ADGRV1: variants seen among roughly 807,000 people sequenced by gnomAD.
The protein encoded by ADGRV1 is adhesion G protein-coupled receptor V1, also known as G-protein coupled receptor 98.
ADGRV1 carries 359 observed loss-of-function variants against 596.2 expected under a neutral mutation model. The ratio of observed to expected loss-of-function variants is 0.60; its 90% CI spans 0.55 to 0.66. The LOEUF (loss-of-function observed/expected upper bound fraction) is 0.66, where lower values mean the gene tolerates loss of function less well. Among genes scored for constraint, ADGRV1 ranks in the 30% least tolerant of loss-of-function variants. The pLI is 0.00. For synonymous variants in ADGRV1, 2,681 were observed against 2,679.2 expected (o/e 1.00, Z -0.02); for missense variants, 7,274 against 7,575.6 (o/e 0.96, Z 1.48).
intron 85 of ADGRV1, among the ~76,000 whole-genome samples, chr5:91,069,510 G>C (rs1386442322): frequency 6.6e-6 from 1 of 152,112 alleles, no homozygotes; most frequent in African/African-American, 2.4e-5. Context: ...ATGATAAAAT[G>C]CTCTACATCA....
chr5:90,969,526 C>T (rs1366403404), intron 84 of ADGRV1, among the ~76,000 whole-genome samples: 1 of 152,188 alleles, frequency 6.6e-6, no homozygotes, highest in Non-Finnish European at 1.5e-5. Flanking sequence ...GCAGCCTTGC[C>T]TCTGTTTCTT....
intron 9 of ADGRV1, chr5:90,630,332 T>C (rs1183289479): frequency 2.6e-5 from 4 of 152,312 alleles, no homozygotes; most frequent in South Asian, 4.1e-4. Flanking sequence ...TTAAATAATA[T>C]ACTCAAAAAT....
chr5:90,729,482 G>A (rs955872898), intron 49 of ADGRV1, among the ~76,000 whole-genome samples, 160 bp from the exon 50 acceptor site: 4 of 152,134 alleles, frequency 2.6e-5, no homozygotes, highest in Non-Finnish European at 2.9e-5. Context: ...AATGCAAAAA[G>A]ACTTTTGAAG....
Position 90,987,469 on chromosome 5 carries a change from C to CAAA in ADGRV1, c.18152+1966_18152+1968dup, listed in dbSNP as rs11442398. On this transcript the variant is annotated intron_variant, in intron 85 of 89. Coordinates refer to ENST00000405460, the MANE Select transcript of ADGRV1 (RefSeq NM_032119.4). ...TGGGTTACAGAACAAGACTCTGACT[C>CAAA]AAAAAAAAAAAAAAAAAAAAATTAT... Among the ~76,000 whole-genome samples, 67 of 94,936 alleles carry CAAA rather than the reference C, an allele frequency of 7.1e-4. 1 individual carries two copies. Among genetic ancestry groups the CAAA allele is most frequent in the African/African-American group, 1.9e-3 (52 of 26,952 alleles). The allele number at this position is 94,936 out of a possible 152,430, so 62.3% of individuals were successfully genotyped here.
chr5:90,682,701 G>A (rs984815703), intron 27 of ADGRV1, among the ~76,000 whole-genome samples: 25 of 152,122 alleles, frequency 1.6e-4, no homozygotes, highest in African/African-American at 5.3e-4. Flanking sequence ...TAAAAAAAGC[G>A]TTAAGGGAAA....
chr5:91,158,818 G>T (rs1796687707), intron 89 of ADGRV1, among the ~76,000 whole-genome samples: 1 of 151,842 alleles, frequency 6.6e-6, no homozygotes, highest in Non-Finnish European at 1.5e-5. Flanking sequence ...TATCTCAGTT[G>T]ATGCTCCATA....
rs538396328 is a variant in ADGRV1 at position 90,975,158 on chromosome 5, C to G, written c.17973+9627C>G. ...AATCAAAACCACAATGAGATACCAT[C>G]TCACACCAGTTAGAATGGTGATCAT... On this transcript the variant is annotated intron_variant, in intron 84 of 89. Coordinates refer to ENST00000405460, the MANE Select transcript of ADGRV1 (RefSeq NM_032119.4). Among the ~76,000 whole-genome samples the G allele has an allele frequency of 5.3e-5, 8 of 151,804 alleles. No homozygotes were observed. In the East Asian group the frequency reaches 1.5e-3, roughly 29 times the overall value.
chr5:90,822,736 T>C (rs1334513808), intron 75 of ADGRV1, among the ~76,000 whole-genome samples: 3 of 152,322 alleles, frequency 2.0e-5, no homozygotes, highest in East Asian at 3.9e-4. Context: ...GCCATTTTCA[T>C]GATATTGATT....
chr5:90,663,922 T>C (rs1770844245), intron 21 of ADGRV1, among the ~76,000 whole-genome samples: 2 of 151,514 alleles, frequency 1.3e-5, no homozygotes, highest in Admixed American at 1.3e-4. Context: ...CAGATAGTTG[T>C]AGATATGCGG....
Position 90,811,051 on chromosome 5 carries a change from A to T in ADGRV1, c.15791A>T (p.Glu5264Val), listed in dbSNP as rs1461801503. ...AGCATAACAGTTAAAACTTTCGGTG[A>T]AAGATGTGCTCAGATGGAACCAAAT... ...NVSITVKTFG[E>V]RCAQMEPNAL... is the part of the protein sequence containing the mutation. Residue 5264 changes from glutamate (E) to valine (V), a missense_variant, in exon 74 of 90, where the codon GAA becomes GTA. Glu to Val is a moderately radical substitution (Grantham distance 121, BLOSUM62 -2). Around this residue, in one of 5 missense-constraint regions of ADGRV1, gnomAD observed 1,874 missense variants for 1,970.2 expected, o/e 0.95. Transcript: ENST00000405460. 19 of 1,614,052 alleles carry T rather than the reference A, an allele frequency of 1.2e-5. No homozygotes were observed. The highest frequency in any genetic ancestry group is 2.2e-5 in the East Asian group (1 of 44,888).
intron 87 of ADGRV1, among the ~76,000 whole-genome samples, chr5:91,129,157 T>C (rs2126787304): frequency 6.6e-6 from 1 of 152,356 alleles, no homozygotes; most frequent in East Asian, 1.9e-4. Flanking sequence ...CCTTTCTTTG[T>C]AAACAAATAT....
chr5:90,811,412 A>G, intron 74 of ADGRV1, 74 bp downstream of exon 74: 1 of 1,327,252 alleles, frequency 7.5e-7, no homozygotes. Context: ...AATCTAGCTT[A>G]AATTTAATGG....
intron 1 of ADGRV1, among the ~76,000 whole-genome samples, chr5:90,583,295 A>G (rs1016207985): frequency 3.3e-5 from 5 of 152,140 alleles, no homozygotes; most frequent in Non-Finnish European, 5.9e-5. Flanking sequence ...TTCATTTCTC[A>G]GTAATATTCA....
chr5:91,006,505 T>A (rs754324613), intron 85 of ADGRV1, among the ~76,000 whole-genome samples: 1 of 152,168 alleles, frequency 6.6e-6, no homozygotes, highest in African/African-American at 2.4e-5. Context: ...TTTTGTATAC[T>A]TTTTGATCAC....
At chr5:90,648,573 C>T (rs1455069428) in intron 17 of ADGRV1, among the ~76,000 whole-genome samples, 2 of 152,094 alleles carry the variant, frequency 1.3e-5, no homozygotes, top group Non-Finnish European at 2.9e-5. Context: ...CGTTGTGTTC[C>T]ACCTTGTGCC....
intron 87 of ADGRV1, among the ~76,000 whole-genome samples, chr5:91,112,905 A>C (rs888669835): frequency 6.6e-6 from 1 of 152,188 alleles, no homozygotes; most frequent in Non-Finnish European, 1.5e-5. Flanking sequence ...TAAACTATGC[A>C]ATATTTTACA....
intron 84 of ADGRV1, among the ~76,000 whole-genome samples, chr5:90,979,229 C>T (rs904108478): frequency 5.3e-5 from 8 of 150,826 alleles, no homozygotes; most frequent in Non-Finnish European, 1.0e-4. Flanking sequence ...AGTGCAGTGG[C>T]GCAGTCTCGG....
At chr5:91,158,423 CA>C (rs879672904) in intron 89 of ADGRV1, among the ~76,000 whole-genome samples, 9 of 152,120 alleles carry the variant, frequency 5.9e-5, no homozygotes, top group Non-Finnish European at 1.2e-4. Context: ...CCAAAACCTA[CA>C]AGGTGGAAAA....
chr5:90,904,497 A>G (rs1182516194), intron 83 of ADGRV1, among the ~76,000 whole-genome samples: 1 of 151,984 alleles, frequency 6.6e-6, no homozygotes, highest in Non-Finnish European at 1.5e-5. Context: ...TTTGATTTGC[A>G]TTTCTCTGGT....
Sources: gnomAD v4.1 joint callset for allele counts (sites outside exome capture counted in the v4.1 genomes callset) on GRCh38, gnomAD v4.1.1 for gene constraint, gnomAD v4.1.1 regional missense constraint, MANE v1.5 for transcripts, NCBI Gene and HGNC (gene_info 2026-07-23, HGNC 2026-07-21) for gene names.